Variants in MYO3A observed in about 807,000 individuals in gnomAD.
The protein encoded by MYO3A is myosin-IIIa.
A neutral mutation model predicts 192.7 loss-of-function variants in MYO3A; 180 were observed. The ratio of observed to expected loss-of-function variants is 0.93; its 90% CI spans 0.83 to 1.06. The LOEUF (loss-of-function observed/expected upper bound fraction) is 1.06. MYO3A is among the 50% of genes least tolerant of loss of function. The probability of loss-of-function intolerance (pLI) is 0.00; values close to 1 mark genes in which losing one functional copy is unlikely to be tolerated. For synonymous variants in MYO3A, 628 were observed against 645.3 expected (o/e 0.97, Z 0.41); for missense variants, 1,896 against 1,905.0 (o/e 1.00, Z 0.09).
intron 17 of MYO3A, among the ~76,000 whole-genome samples, chr10:26,103,718 A>C (rs1490198667): frequency 1.3e-5 from 2 of 152,152 alleles, no homozygotes; most frequent in Non-Finnish European, 2.9e-5. Context: ...TAGCATTGCA[A>C]ATGCTGAATA....
chr10:26,072,205 G>A (rs139842343), intron 14 of MYO3A, among the ~76,000 whole-genome samples: 249 of 152,300 alleles, frequency 1.6e-3, no homozygotes, highest in African/African-American at 5.9e-3. Context: ...TTTGACATGA[G>A]GGGATTACAG....
At chr10:26,128,310 C>T (rs191047876) in intron 19 of MYO3A, 81 bp from the exon 20 acceptor site, 847 of 1,456,866 alleles carry the variant, frequency 5.8e-4, no homozygotes, top group Non-Finnish European at 7.4e-4. Flanking sequence ...AGCTCAGTCA[C>T]AAATGGTAAC....
At chr10:26,130,016 G>A (rs1422178611) in intron 20 of MYO3A, among the ~76,000 whole-genome samples, 7 of 151,956 alleles carry the variant, frequency 4.6e-5, no homozygotes, top group Admixed American at 2.6e-4. Context: ...TTCTTTTGGT[G>A]GTTGGGTAGA....
At chr10:25,937,705 T>G (rs1028604206) in intron 2 of MYO3A, among the ~76,000 whole-genome samples, 2 of 150,482 alleles carry the variant, frequency 1.3e-5, no homozygotes, top group Admixed American at 1.3e-4. Flanking sequence ...TAAGAAGTAC[T>G]TTTATCCTCA....
At chr10:25,983,579 G>A (rs1200902732) in intron 4 of MYO3A, among the ~76,000 whole-genome samples, 2 of 152,124 alleles carry the variant, frequency 1.3e-5, no homozygotes, top group African/African-American at 4.8e-5. Context: ...TTTGAAAAGT[G>A]AATAAAGCCT....
At chr10:26,003,340 G>T (rs1019886131) in intron 6 of MYO3A, among the ~76,000 whole-genome samples, 2 of 152,086 alleles carry the variant, frequency 1.3e-5, no homozygotes, top group African/African-American at 4.8e-5. Context: ...TCCAAAAGAG[G>T]TGCCTCTTTA....
intron 2 of MYO3A, among the ~76,000 whole-genome samples, chr10:25,951,740 C>T (rs1435621082): frequency 6.6e-6 from 1 of 152,080 alleles, no homozygotes; most frequent in African/African-American, 2.4e-5. Flanking sequence ...ATTTTATCTT[C>T]TCTAAGGTTC....
chr10:26,071,225 G>A (rs1446696590), intron 14 of MYO3A, among the ~76,000 whole-genome samples: 3 of 152,138 alleles, frequency 2.0e-5, no homozygotes, highest in African/African-American at 7.2e-5. Context: ...GAACAAAATA[G>A]TGAGGCTACT....
intron 10 of MYO3A, among the ~76,000 whole-genome samples, chr10:26,045,365 ATTAGATAG>A (rs1383805701): frequency 1.4e-4 from 15 of 110,342 alleles, no homozygotes; most frequent in African/African-American, 4.9e-4. Flanking sequence ...TATGGGTGGC[ATTAGATAG>A]ATAGATAGAT....
At chr10:26,044,010 A>G (rs776502097) in intron 10 of MYO3A, among the ~76,000 whole-genome samples, 6 of 152,102 alleles carry the variant, frequency 3.9e-5, no homozygotes, top group Non-Finnish European at 8.8e-5. Context: ...AGGGCCCAAG[A>G]GCTCTTTAGT....
intron 10 of MYO3A, among the ~76,000 whole-genome samples, chr10:26,064,895 C>G (rs1439759796): frequency 6.6e-6 from 1 of 152,000 alleles, no homozygotes; most frequent in Non-Finnish European, 1.5e-5. Context: ...GTCTGTCTCT[C>G]CAAGTGAAAT....
intron 4 of MYO3A, among the ~76,000 whole-genome samples, chr10:25,955,356 G>C (rs999258181): frequency 2.6e-5 from 4 of 152,108 alleles, no homozygotes; most frequent in African/African-American, 9.7e-5. Context: ...CCAGGTGCTA[G>C]GATATAAGAA....
intron 6 of MYO3A, among the ~76,000 whole-genome samples, chr10:26,008,418 A>G (rs1841384068): frequency 6.7e-6 from 1 of 148,676 alleles, no homozygotes; most frequent in Non-Finnish European, 1.5e-5. Context: ...CTGCACAGCA[A>G]AAGAAACTAC....
intron 17 of MYO3A, 136 bp from the exon 18 acceptor site, chr10:26,120,540 C>A: frequency 8.8e-7 from 1 of 1,131,056 alleles, no homozygotes; most frequent in Non-Finnish European, 1.3e-6. Context: ...ACTTGGATCT[C>A]AGTGTGGCGT....
intron 17 of MYO3A, among the ~76,000 whole-genome samples, chr10:26,100,054 A>C (rs1837335588): frequency 6.6e-6 from 1 of 151,948 alleles, no homozygotes. Context: ...ACTTTTTTTG[A>C]TTCGTAGGCT....
intron 29 of MYO3A, among the ~76,000 whole-genome samples, chr10:26,172,497 G>A (rs570808909): frequency 6.6e-6 from 1 of 152,352 alleles, no homozygotes; most frequent in East Asian, 1.9e-4. Flanking sequence ...AATTTCAGCA[G>A]TGTGTACAAG....
At chr10:25,938,357 G>T (rs1227397851) in intron 2 of MYO3A, among the ~76,000 whole-genome samples, 3 of 152,172 alleles carry the variant, frequency 2.0e-5, no homozygotes, top group African/African-American at 7.2e-5. Flanking sequence ...ACTGAGAGTG[G>T]TGAGAACACA....
At chr10:26,082,239 T>C (rs1836003560) in intron 14 of MYO3A, among the ~76,000 whole-genome samples, 1 of 152,206 alleles carries the variant, frequency 6.6e-6, no homozygotes, top group Non-Finnish European at 1.5e-5. Flanking sequence ...TTTTCATTTA[T>C]TTGTGTCTTC....
intron 10 of MYO3A, among the ~76,000 whole-genome samples, chr10:26,038,164 A>C (rs1002270767): frequency 6.6e-6 from 1 of 152,140 alleles, no homozygotes; most frequent in East Asian, 1.9e-4. Context: ...TTTTTTGCTT[A>C]TGATGGCTTT....
Sources: gnomAD v4.1 joint callset for allele counts (sites outside exome capture counted in the v4.1 genomes callset) on GRCh38, gnomAD v4.1.1 for gene constraint, MANE v1.5 for transcripts, NCBI Gene and HGNC (gene_info 2026-07-23, HGNC 2026-07-21) for gene names.